RABGAP1L: variants seen among roughly 807,000 people sequenced by gnomAD.
RABGAP1L encodes the protein rab GTPase-activating protein 1-like.
A neutral mutation model predicts 137.7 loss-of-function variants in RABGAP1L; 63 were observed. That is an observed-to-expected ratio of 0.46 (90% CI 0.37 to 0.56). The LOEUF is 0.56. Among genes scored for constraint, RABGAP1L ranks in the 20% least tolerant of loss-of-function variants. The probability of loss-of-function intolerance (pLI) is 0.00; values close to 1 mark genes in which losing one functional copy is unlikely to be tolerated. For synonymous variants in RABGAP1L, 431 were observed against 433.7 expected (o/e 0.99, Z 0.08); for missense variants, 1,095 against 1,244.0 (o/e 0.88, Z 1.80).
chr1:174,749,556 T>C (rs1484486992), intron 17 of RABGAP1L, among the ~76,000 whole-genome samples: 1 of 152,084 alleles, frequency 6.6e-6, no homozygotes, highest in Non-Finnish European at 1.5e-5. Context: ...TTGGCAAAGA[T>C]TTCCTGATTG....
At chr1:174,322,935 T>C (rs1452733899) in intron 11 of RABGAP1L, among the ~76,000 whole-genome samples, 2 of 152,180 alleles carry the variant, frequency 1.3e-5, no homozygotes, top group African/African-American at 2.4e-5. Context: ...AGAAAGTTAC[T>C]TGAAAACAAG....
intron 3 of RABGAP1L, among the ~76,000 whole-genome samples, chr1:174,229,782 A>C (rs1332177004): frequency 6.6e-6 from 1 of 152,188 alleles, no homozygotes; most frequent in Admixed American, 6.5e-5. Context: ...GTATATACCC[A>C]GTAATGGGAT....
intron 13 of RABGAP1L, among the ~76,000 whole-genome samples, chr1:174,581,331 G>A (rs932686916): frequency 2.6e-5 from 4 of 152,140 alleles, no homozygotes; most frequent in African/African-American, 9.7e-5. Context: ...AAACGTTATA[G>A]TCATATGAGG....
intron 20 of RABGAP1L, chr1:174,964,830 A>G (rs2149356637): frequency 2.1e-6 from 3 of 1,405,730 alleles, no homozygotes; most frequent in Non-Finnish European, 2.8e-6. Context: ...TATGACACTC[A>G]AAGGAAAAGC....
At position 174,275,893 on chromosome 1, in the gene RABGAP1L, A is replaced by G; in HGVS notation, c.1114A>G (p.Asn372Asp). The change falls in exon 9 of 26, where the codon AAT becomes GAT. Residue 372 changes from asparagine (N) to aspartate (D), a missense_variant. Physicochemically the swap from Asn to Asp is conservative, Grantham distance 23. Coordinates refer to ENST00000681986, the MANE Select transcript of RABGAP1L (RefSeq NM_001366446.1). ...AYVITGMWNP[N>D]APVFLALNEE... The stretch of plus-strand genomic sequence containing the variant: ...TGTCATCACTGGCATGTGGAACCCC[A>G]ATGCACCAGTATTTCTGGCACTTAA... The G allele has an allele frequency of 1.9e-6, 3 of 1,613,132 alleles. No homozygotes were observed. Among genetic ancestry groups the G allele is most frequent in the Non-Finnish European group, 1.7e-6 (2 of 1,179,386 alleles).
At chr1:174,942,219 G>A (rs1325961273) in intron 19 of RABGAP1L, among the ~76,000 whole-genome samples, 6 of 152,168 alleles carry the variant, frequency 3.9e-5, no homozygotes, top group Non-Finnish European at 1.5e-5. Flanking sequence ...TGCTGTCTAT[G>A]TTGTCTTCTT....
chr1:174,959,763 T>C (rs894228545), intron 20 of RABGAP1L, among the ~76,000 whole-genome samples: 6 of 152,170 alleles, frequency 3.9e-5, no homozygotes, highest in African/African-American at 1.2e-4. Flanking sequence ...CTTGGTGAAT[T>C]TATAGTTCTT....
At chr1:174,269,542 C>T (rs775781688) in intron 7 of RABGAP1L, among the ~76,000 whole-genome samples, 41 of 152,136 alleles carry the variant, frequency 2.7e-4, no homozygotes, top group Non-Finnish European at 4.9e-4. Context: ...ATGAAGGTTG[C>T]TTTGAAATTT....
intron 13 of RABGAP1L, among the ~76,000 whole-genome samples, chr1:174,480,563 C>G (rs1054090595): frequency 6.6e-6 from 1 of 152,220 alleles, no homozygotes; most frequent in African/African-American, 2.4e-5. Context: ...TAAGAGCAAG[C>G]TTCTTTATGC....
At chr1:174,599,396 A>T (rs181041916) in intron 13 of RABGAP1L, among the ~76,000 whole-genome samples, 1 of 152,184 alleles carries the variant, frequency 6.6e-6, no homozygotes, top group Non-Finnish European at 1.5e-5. Context: ...GTGTTATCAT[A>T]TTCTGTATTT....
At chr1:174,700,235 G>A (rs972613975) in intron 16 of RABGAP1L, among the ~76,000 whole-genome samples, 4 of 152,144 alleles carry the variant, frequency 2.6e-5, no homozygotes. Flanking sequence ...GTGACCACAG[G>A]CAAAGTGATT....
chr1:174,683,572 T>G lies in RABGAP1L; in HGVS notation c.1875T>G (p.Phe625Leu). The change falls in exon 15 of 26, where the codon TTT (phenylalanine) becomes TTG (leucine). Residue 625 changes from phenylalanine (F) to leucine (L), a missense_variant. Coordinates refer to ENST00000681986, the MANE Select transcript of RABGAP1L (RefSeq NM_001366446.1). ...EDIGYCQGQS[F>L]LAAVLLLHMP... ...TTGGGTACTGTCAAGGGCAGTCTTT[T>G]CTTGCTGCTGTATTACTGCTGCATG... 1 of 1,609,024 alleles carries G rather than the reference T, an allele frequency of 6.2e-7. No individual in the cohort carries two copies. The highest frequency in any genetic ancestry group is 8.5e-7 in the Non-Finnish European group (1 of 1,175,360).
intron 13 of RABGAP1L, among the ~76,000 whole-genome samples, chr1:174,475,365 T>C (rs933037823): frequency 6.6e-6 from 1 of 152,202 alleles, no homozygotes; most frequent in African/African-American, 2.4e-5. Context: ...AGTTATTTTA[T>C]ATCTTCTCAG....
intron 13 of RABGAP1L, among the ~76,000 whole-genome samples, chr1:174,527,082 C>G (rs554602411): frequency 2.0e-5 from 3 of 152,026 alleles, no homozygotes; most frequent in Admixed American, 2.0e-4. Flanking sequence ...TTTTATTGAC[C>G]CAGTGTTTGT....
chr1:174,683,668 T>G, intron 15 of RABGAP1L, 72 bp downstream of exon 15: 1 of 1,198,024 alleles, frequency 8.3e-7, no homozygotes, highest in Non-Finnish European at 1.2e-6. Flanking sequence ...GCTTTGTTCT[T>G]CCTTCTTATT....
intron 13 of RABGAP1L, among the ~76,000 whole-genome samples, chr1:174,622,457 A>G (rs1672588564): frequency 6.6e-6 from 1 of 152,240 alleles, no homozygotes; most frequent in Non-Finnish European, 1.5e-5. Context: ...ACCAACCCAA[A>G]TGTCCAACAA....
chr1:174,634,999 A>G (rs1391387141), intron 13 of RABGAP1L, among the ~76,000 whole-genome samples: 2 of 150,888 alleles, frequency 1.3e-5, no homozygotes, highest in Admixed American at 6.6e-5. Flanking sequence ...TAACCTGCAC[A>G]ATGTGCACAT....
intron 19 of RABGAP1L, among the ~76,000 whole-genome samples, chr1:174,843,224 CTTTT>C (rs60814405): frequency 7.6e-6 from 1 of 131,224 alleles, no homozygotes; most frequent in African/African-American, 2.8e-5. Context: ...ATGTCACAGT[CTTTT>C]TTTTTTTTTT....
chr1:174,727,740 A>ATT (rs1398082610), intron 17 of RABGAP1L, among the ~76,000 whole-genome samples: 2 of 152,364 alleles, frequency 1.3e-5, no homozygotes, highest in East Asian at 3.9e-4. Context: ...GATTAGCCTG[A>ATT]TTTTAACATT....
Sources: gnomAD v4.1 joint callset for allele counts (sites outside exome capture counted in the v4.1 genomes callset) on GRCh38, gnomAD v4.1.1 for gene constraint, MANE v1.5 for transcripts, NCBI Gene and HGNC (gene_info 2026-07-23, HGNC 2026-07-21) for gene names.